The following NXN variants were observed in gnomAD, a reference collection of about 807,000 sequenced individuals.
NXN encodes nucleoredoxin.
NXN carries 16 observed loss-of-function variants against 48.6 expected under a neutral mutation model. That is an observed-to-expected ratio of 0.33 (90% CI 0.22 to 0.50). The LOEUF is 0.50. Ranked by LOEUF, NXN falls within the 20% of genes least tolerant of loss-of-function variation. The probability of loss-of-function intolerance (pLI) is 0.98; values close to 1 mark genes in which losing one functional copy is unlikely to be tolerated. For synonymous variants in NXN, 281 were observed against 269.6 expected, an observed-to-expected ratio of 1.04 and a Z score of -0.41; for missense variants, 492 against 605.5, an observed-to-expected ratio of 0.81 and a Z score of 1.97.
At chr17:828,324 G>C (rs1185883534) in intron 1 of NXN, among the ~76,000 whole-genome samples, 9 of 149,990 alleles carry the variant, frequency 6.0e-5, no homozygotes, top group East Asian at 2.0e-4. Context: ...GGCTGGTCTC[G>C]AACTCCTGAC....
intron 1 of NXN, among the ~76,000 whole-genome samples, chr17:832,528 C>T (rs13341601): frequency 0.35 from 52,596 of 151,814 alleles, 9,472 homozygotes; most frequent in African/African-American, 0.45. Context: ...GTTTTGGTAC[C>T]TGAACAGCCT....
chr17:896,233 G>A (rs562467203), intron 1 of NXN, among the ~76,000 whole-genome samples: 60 of 151,976 alleles, frequency 3.9e-4, no homozygotes, highest in Non-Finnish European at 5.3e-4. Context: ...CCAGCTACTC[G>A]GGAGGCTGAG....
rs116836321 is a variant in NXN, at chr17:917,551, C to T, written c.360+61768G>A. ...TGGACCTGCTGTCCCACCCTACGCC[C>T]ATTTTTTATCTCCACCCACTCTTTG... is the stretch of plus-strand genomic sequence containing the variant. On this transcript the variant is annotated intron_variant, in intron 1 of 7. Transcript: ENST00000336868. This position sits in a 1 kb window ranked among gnomAD's most constrained non-coding sequence, Gnocchi z 4.5. Among the ~76,000 whole-genome samples the T allele has an allele frequency of 3.4e-3, 518 of 152,350 alleles. 2 individuals are homozygous for T. Among genetic ancestry groups the T allele is most frequent in the African/African-American group, 0.012 (483 of 41,574 alleles).
chr17:802,606 A>G (rs1196826061), intron 7 of NXN, among the ~76,000 whole-genome samples: 1 of 152,134 alleles, frequency 6.6e-6, no homozygotes, highest in East Asian at 1.9e-4. Context: ...GGTTGGAGTC[A>G]CTGCATGCCG....
intron 6 of NXN, 40 bp downstream of exon 6, chr17:805,028 C>T (rs958628098): frequency 9.1e-6 from 14 of 1,535,092 alleles, no homozygotes; most frequent in South Asian, 1.2e-5. Flanking sequence ...TGTCCCGCCC[C>T]CCAGCCACCC....
chr17:850,465 G>A (rs749299623), intron 1 of NXN, among the ~76,000 whole-genome samples: 11 of 152,210 alleles, frequency 7.2e-5, no homozygotes, highest in Non-Finnish European at 7.3e-5. Flanking sequence ...CCACTGCTCC[G>A]ACCTGTGGGT....
chr17:810,451 C>G (rs1392618974), intron 5 of NXN, among the ~76,000 whole-genome samples: 2 of 152,150 alleles, frequency 1.3e-5, no homozygotes, highest in Non-Finnish European at 2.9e-5. Context: ...CTATTTAGCT[C>G]GTTAACATCA....
At chr17:831,307 A>C (rs1476769290) in intron 1 of NXN, among the ~76,000 whole-genome samples, 2 of 152,056 alleles carry the variant, frequency 1.3e-5, no homozygotes, top group African/African-American at 4.8e-5. Flanking sequence ...TTAAAAAAAA[A>C]ACTCCACAAG....
At chr17:834,768 G>A (rs867545852) in intron 1 of NXN, among the ~76,000 whole-genome samples, 3 of 151,246 alleles carry the variant, frequency 2.0e-5, no homozygotes, top group Middle Eastern at 3.2e-3. Flanking sequence ...TGATCTGCCC[G>A]CCTTGGCCTC....
At chr17:886,170 G>A (rs1006997867) in intron 1 of NXN, among the ~76,000 whole-genome samples, 4 of 152,054 alleles carry the variant, frequency 2.6e-5, no homozygotes, top group Non-Finnish European at 5.9e-5. Context: ...GTTTCTCCAC[G>A]GAAGCAGCTC....
At chr17:881,009 C>T (rs1281745671) in intron 1 of NXN, among the ~76,000 whole-genome samples, 1 of 152,096 alleles carries the variant, frequency 6.6e-6, no homozygotes, top group Non-Finnish European at 1.5e-5. Flanking sequence ...GTAGCTGAGC[C>T]GTGGCCCAGG....
chr17:937,235 C>T (rs143401282), intron 1 of NXN, among the ~76,000 whole-genome samples: 12 of 152,142 alleles, frequency 7.9e-5, no homozygotes, highest in African/African-American at 2.4e-4. Context: ...CCGCCCGCCT[C>T]GGCCTCCCAA....
intron 1 of NXN, among the ~76,000 whole-genome samples, chr17:951,509 T>C (rs2069110339): frequency 7.0e-6 from 1 of 143,778 alleles, no homozygotes; most frequent in South Asian, 2.1e-4. Context: ...AGACATGATG[T>C]GGTTAAAGCC....
chr17:826,554 G>A (rs1446367394), intron 1 of NXN, among the ~76,000 whole-genome samples: 1 of 152,214 alleles, frequency 6.6e-6, no homozygotes, highest in Non-Finnish European at 1.5e-5. Flanking sequence ...AGGTTTTCAC[G>A]AGAGCCTCGC....
At chr17:871,012 T>C (rs933830020) in intron 1 of NXN, among the ~76,000 whole-genome samples, 42 of 151,536 alleles carry the variant, frequency 2.8e-4, no homozygotes, top group Admixed American at 9.9e-4. Context: ...GCGCCCGCCA[T>C]CACGCCCAGC....
chr17:870,366 G>A (rs964008872), intron 1 of NXN, among the ~76,000 whole-genome samples: 1 of 152,176 alleles, frequency 6.6e-6, no homozygotes, highest in Non-Finnish European at 1.5e-5. Flanking sequence ...GGTGATTCAT[G>A]AGCCTGAATT....
intron 5 of NXN, among the ~76,000 whole-genome samples, chr17:806,646 A>G (rs8079305): frequency 0.18 from 26,923 of 151,940 alleles, 2,876 homozygotes; most frequent in African/African-American, 0.3. Flanking sequence ...AAGTCAGAGC[A>G]ATTTAATATT....
At chr17:947,596 G>C (rs962313979) in intron 1 of NXN, among the ~76,000 whole-genome samples, 3 of 151,948 alleles carry the variant, frequency 2.0e-5, no homozygotes, top group Non-Finnish European at 4.4e-5. Flanking sequence ...AGCCGGGAGT[G>C]GTGGCACGTG....
At chr17:804,695 G>A (rs542625597) in intron 6 of NXN, among the ~76,000 whole-genome samples, 56 of 152,358 alleles carry the variant, frequency 3.7e-4, no homozygotes, top group African/African-American at 1.3e-3. Context: ...TCAGAGCACA[G>A]AGGATCCGCA....
Sources: allele counts gnomAD v4.1 joint callset (sites outside exome capture counted in the v4.1 genomes callset), GRCh38; gene constraint gnomAD v4.1.1; non-coding constraint Gnocchi (gnomAD v3.1); transcripts MANE v1.5; gene names NCBI Gene and HGNC (gene_info 2026-07-23, HGNC 2026-07-21).